EXOC6B: variants seen among roughly 807,000 people sequenced by gnomAD.
The protein encoded by EXOC6B is exocyst complex component 6B.
EXOC6B carries 54 observed loss-of-function variants against 113.5 expected under a neutral mutation model. The observed-to-expected ratio is 0.48, with a 90% CI of 0.38 to 0.60. The LOEUF (loss-of-function observed/expected upper bound fraction) is 0.60. EXOC6B is among the 20% of genes least tolerant of loss of function. The pLI is 0.00. For synonymous variants in EXOC6B, 357 were observed against 339.0 expected (o/e 1.05, Z -0.58); for missense variants, 797 against 977.5 (o/e 0.82, Z 2.46).
At chr2:72,712,089 T>C (rs1558940582) in intron 6 of EXOC6B, among the ~76,000 whole-genome samples, 1 of 152,190 alleles carries the variant, frequency 6.6e-6, no homozygotes, top group Non-Finnish European at 1.5e-5. Flanking sequence ...CATTTTCTTA[T>C]TTTTCTGCAG....
intron 1 of EXOC6B, among the ~76,000 whole-genome samples, chr2:72,762,549 A>C (rs1682806145): frequency 6.6e-6 from 1 of 152,044 alleles, no homozygotes; most frequent in Non-Finnish European, 1.5e-5. Context: ...AAAGGAAAAA[A>C]AAAAATTGTA....
chr2:72,254,260 A>G (rs531689696), intron 20 of EXOC6B, among the ~76,000 whole-genome samples: 2 of 152,300 alleles, frequency 1.3e-5, no homozygotes, highest in African/African-American at 4.8e-5. Context: ...AACTGGGTAG[A>G]CCCCTGAACC....
At chr2:72,550,452 C>T (rs1346724524) in intron 8 of EXOC6B, among the ~76,000 whole-genome samples, 1 of 152,086 alleles carries the variant, frequency 6.6e-6, no homozygotes, top group Admixed American at 6.6e-5. Flanking sequence ...AATAAACATA[C>T]ATTCTCCAGA....
At chr2:72,369,743 C>G (rs1338123433) in intron 19 of EXOC6B, among the ~76,000 whole-genome samples, 1 of 152,076 alleles carries the variant, frequency 6.6e-6, no homozygotes, top group African/African-American at 2.4e-5. Flanking sequence ...ACAAACCTGA[C>G]AAAAGCAAGA....
intron 20 of EXOC6B, among the ~76,000 whole-genome samples, chr2:72,231,381 A>C (rs895796117): frequency 6.6e-6 from 1 of 152,234 alleles, no homozygotes; most frequent in East Asian, 1.9e-4. Flanking sequence ...GGAACAGTAA[A>C]GAAGAAAATG....
intron 19 of EXOC6B, among the ~76,000 whole-genome samples, chr2:72,342,582 G>C (rs1437103403): frequency 6.6e-6 from 1 of 152,090 alleles, no homozygotes; most frequent in Non-Finnish European, 1.5e-5. Context: ...CTCGTATACT[G>C]TTATTGGGAA....
intron 1 of EXOC6B, among the ~76,000 whole-genome samples, chr2:72,807,139 T>C (rs969477744): frequency 1.3e-5 from 2 of 152,030 alleles, no homozygotes; most frequent in East Asian, 3.9e-4. Flanking sequence ...GCTTCCAGAG[T>C]TTTCATAGCT....
At chr2:72,337,435 C>T (rs752660362) in intron 19 of EXOC6B, among the ~76,000 whole-genome samples, 1 of 152,170 alleles carries the variant, frequency 6.6e-6, no homozygotes, top group African/African-American at 2.4e-5. Context: ...ATATGTCCAA[C>T]TCAACAGAAT....
chr2:72,724,469 A>T (rs906625670), intron 5 of EXOC6B, among the ~76,000 whole-genome samples: 1 of 152,132 alleles, frequency 6.6e-6, no homozygotes, highest in Non-Finnish European at 1.5e-5. Context: ...ATTCGCTAAA[A>T]CAAAGCCCAA....
At chr2:72,231,776 T>C (rs1681635679) in intron 20 of EXOC6B, among the ~76,000 whole-genome samples, 1 of 152,134 alleles carries the variant, frequency 6.6e-6, no homozygotes, top group South Asian at 2.1e-4. Flanking sequence ...AAGAATGAGA[T>C]ACATTTTGAC....
chr2:72,552,322 CAT>C (rs1424694102), intron 8 of EXOC6B, among the ~76,000 whole-genome samples: 1 of 152,134 alleles, frequency 6.6e-6, no homozygotes, highest in African/African-American at 2.4e-5. Flanking sequence ...CTTATCCAAA[CAT>C]ACGATTGAAG....
At position 72,371,049 on chromosome 2, in the gene EXOC6B, C is replaced by CA. The variant is rs527915631; in HGVS notation, c.2122+8679dup. Among the ~76,000 whole-genome samples the CA allele has an allele frequency of 1.3e-3, 193 of 143,652 alleles. 1 individual carries two copies. Among genetic ancestry groups the CA allele is most frequent in the South Asian group, 4.6e-3 (21 of 4,520 alleles). 94.2% of individuals were successfully genotyped at this position (143,652 alleles called of 152,430 possible). A position where few individuals can be genotyped will look rare whatever the true frequency, so the allele number is the denominator to read the frequency against. On this transcript the variant is annotated intron_variant, in intron 19 of 21. Coordinates refer to ENST00000272427, the MANE Select transcript of EXOC6B (RefSeq NM_015189.3). The stretch of plus-strand genomic sequence containing the variant: ...ATTAGAGGACACAAAACTCCTCCTC[C>CA]AAAAAAAAAAGAAGAACAGAATAAA...
At chr2:72,502,748 T>C (rs914741815) in intron 11 of EXOC6B, among the ~76,000 whole-genome samples, 1 of 152,098 alleles carries the variant, frequency 6.6e-6, no homozygotes, top group Non-Finnish European at 1.5e-5. Flanking sequence ...TACACTGGAA[T>C]TTCCCCTTCT....
At chr2:72,775,660 C>A (rs546758489) in intron 1 of EXOC6B, among the ~76,000 whole-genome samples, 1 of 152,040 alleles carries the variant, frequency 6.6e-6, no homozygotes, top group African/African-American at 2.4e-5. Context: ...AAAAAAAATA[C>A]CAAAAGGTTG....
chr2:72,182,320 A>G (rs1346139500), intron 21 of EXOC6B, among the ~76,000 whole-genome samples: 1 of 152,174 alleles, frequency 6.6e-6, no homozygotes, highest in African/African-American at 2.4e-5. Context: ...ACGGAGGAGT[A>G]AAGGACTGCT....
intron 18 of EXOC6B, among the ~76,000 whole-genome samples, chr2:72,459,136 C>T (rs1355657946): frequency 6.6e-6 from 1 of 152,078 alleles, no homozygotes; most frequent in Non-Finnish European, 1.5e-5. Context: ...GCAGAAAAGG[C>T]CTTTGACAAA....
chr2:72,264,174 T>C (rs538623058), intron 20 of EXOC6B, among the ~76,000 whole-genome samples: 1 of 152,292 alleles, frequency 6.6e-6, no homozygotes, highest in African/African-American at 2.4e-5. Context: ...TGTCATTCCA[T>C]CCACTGAATG....
chr2:72,405,882 G>T (rs1166436576), intron 18 of EXOC6B, among the ~76,000 whole-genome samples: 1 of 152,268 alleles, frequency 6.6e-6, no homozygotes, highest in East Asian at 1.9e-4. Context: ...TGGGCTAAAT[G>T]CTCCAATTAA....
At chr2:72,206,956 C>G (rs1393407257) in intron 20 of EXOC6B, among the ~76,000 whole-genome samples, 1 of 152,204 alleles carries the variant, frequency 6.6e-6, no homozygotes, top group Non-Finnish European at 1.5e-5. Context: ...AAACCATCAT[C>G]CATAAACCTC....
Sources: gnomAD v4.1 joint callset for allele counts (sites outside exome capture counted in the v4.1 genomes callset) on GRCh38, gnomAD v4.1.1 for gene constraint, MANE v1.5 for transcripts, NCBI Gene and HGNC (gene_info 2026-07-23, HGNC 2026-07-21) for gene names.